Variants in AGTPBP1 observed in about 807,000 individuals in gnomAD.
The protein encoded by AGTPBP1 is cytosolic carboxypeptidase 1.
AGTPBP1 carries 70 observed loss-of-function variants against 143.9 expected under a neutral mutation model. The observed-to-expected ratio is 0.49, with a 90% CI of 0.40 to 0.59. AGTPBP1 has a LOEUF of 0.59. AGTPBP1 is among the 20% of genes least tolerant of loss of function. AGTPBP1 has a pLI of 0.00. For synonymous variants in AGTPBP1, 463 were observed against 500.2 expected, an observed-to-expected ratio of 0.93 and a Z score of 0.99; for missense variants, 1,229 against 1,464.5, an observed-to-expected ratio of 0.84 and a Z score of 2.62.
the AGTPBP1 span, among the ~76,000 whole-genome samples, chr9:85,782,567 T>G: frequency 6.6e-6 from 1 of 152,202 alleles, no homozygotes. Context: ...ATAGACATTT[T>G]CAAGAATAAT....
At chr9:85,800,246 A>C in the AGTPBP1 span, among the ~76,000 whole-genome samples, 1 of 152,278 alleles carries the variant, frequency 6.6e-6, no homozygotes, top group Non-Finnish European at 1.5e-5. Flanking sequence ...GGAGTAGGGA[A>C]TATAGGGGAG....
At chr9:85,707,397 A>C (rs960727774) in intron 2 of AGTPBP1, among the ~76,000 whole-genome samples, 15 of 152,194 alleles carry the variant, frequency 9.9e-5, no homozygotes, top group African/African-American at 3.6e-4. Context: ...TCAAAATAGA[A>C]ATCAAAGAAA....
At chr9:85,736,923 G>A (rs558012668) in intron 1 of AGTPBP1, among the ~76,000 whole-genome samples, 29 of 152,076 alleles carry the variant, frequency 1.9e-4, no homozygotes, top group Non-Finnish European at 3.2e-4. Flanking sequence ...TGGCTAACGC[G>A]GTGAAACCCC....
chr9:85,637,428 C>T (rs938897567), intron 13 of AGTPBP1, among the ~76,000 whole-genome samples: 5 of 152,248 alleles, frequency 3.3e-5, no homozygotes, highest in South Asian at 4.1e-4. Context: ...CATTCCAACA[C>T]GCATCCACAA....
At chr9:85,699,610 A>T (rs932616952) in intron 2 of AGTPBP1, among the ~76,000 whole-genome samples, 5 of 151,936 alleles carry the variant, frequency 3.3e-5, no homozygotes, top group African/African-American at 1.2e-4. Flanking sequence ...AGCAAAAAAA[A>T]AAACCATAAA....
At chr9:85,666,083 T>C (rs1274116934) in intron 8 of AGTPBP1, among the ~76,000 whole-genome samples, 1 of 152,118 alleles carries the variant, frequency 6.6e-6, no homozygotes, top group Admixed American at 6.6e-5. Context: ...CAAAGAATAC[T>C]ACAAGCAACA....
chr9:85,600,582 A>G (rs921548929), intron 17 of AGTPBP1, among the ~76,000 whole-genome samples: 2 of 152,088 alleles, frequency 1.3e-5, no homozygotes, highest in African/African-American at 2.4e-5. Flanking sequence ...TTCCCAGTAC[A>G]GGAAAAGGGT....
At chr9:85,698,679 C>CTTTTTTTTTTT (rs34248388) in intron 2 of AGTPBP1, among the ~76,000 whole-genome samples, 6 of 76,576 alleles carry the variant, frequency 7.8e-5, no homozygotes, top group African/African-American at 1.1e-4. Flanking sequence ...CCACCTAACC[C>CTTTTTTTTTTT]TTTTTTTTTT....
rs112702741 is a variant in AGTPBP1, at chr9:85,672,496, C to A, written c.568+54G>T. The A allele has an allele frequency of 3.2e-5, 50 of 1,564,464 alleles. No individual in the cohort carries two copies. In the African/African-American group the frequency reaches 4.3e-4, roughly 13 times the overall value. On this transcript the variant is annotated intron_variant, in intron 7 of 25. Transcript: ENST00000357081. ...TACAGAATCAGGATACTTTAAAATT[C>A]TTTTTGTGTAACTTTACAACACTGA...
Position 85,741,777 on chromosome 9 carries a change from G to A in AGTPBP1, c.-36C>T, listed in dbSNP as rs1345882826. ...GAGGACTGCAGCAGGGCGCTCACCG[G>A]CTCAGGATGGGGCGCTGGCGGGGAC... On this transcript the variant is annotated splice_region_variant and 5_prime_UTR_variant, in exon 1 of 26. Coordinates refer to ENST00000357081, the MANE Select transcript of AGTPBP1 (RefSeq NM_001330701.2). 7.4e-7 allele frequency: 1 copy of A among 1,343,300 alleles called. No homozygotes were observed. Among genetic ancestry groups the A allele is most frequent in the Non-Finnish European group, 9.5e-7 (1 of 1,049,408 alleles). 83.2% of individuals were successfully genotyped at this position (1,343,300 alleles called of 1,614,324 possible).
intron 25 of AGTPBP1, 28 bp downstream of exon 25, chr9:85,575,287 A>G (rs1827826312): frequency 6.5e-7 from 1 of 1,547,532 alleles, no homozygotes; most frequent in East Asian, 2.3e-5. Context: ...ACTACAATAT[A>G]ATAAAAGAAA....
At chr9:85,751,350 G>A in the AGTPBP1 span, among the ~76,000 whole-genome samples, 2 of 152,160 alleles carry the variant, frequency 1.3e-5, no homozygotes, top group Admixed American at 1.3e-4. Context: ...TATAAAACAT[G>A]AATTAGTAGA....
chr9:85,803,030 C>A, the AGTPBP1 span, among the ~76,000 whole-genome samples: 1 of 152,130 alleles, frequency 6.6e-6, no homozygotes, highest in South Asian at 2.1e-4. Context: ...TAGCAGTCTG[C>A]CAAAATGATC....
chr9:85,626,029 T>C (rs765078928), intron 14 of AGTPBP1, among the ~76,000 whole-genome samples: 3 of 142,346 alleles, frequency 2.1e-5, no homozygotes, highest in Non-Finnish European at 3.0e-5. Flanking sequence ...TCTAATGTTA[T>C]GGACTATAAA....
At chr9:85,695,961 C>T (rs1416997281) in intron 2 of AGTPBP1, among the ~76,000 whole-genome samples, 1 of 152,106 alleles carries the variant, frequency 6.6e-6, no homozygotes, top group Non-Finnish European at 1.5e-5. Context: ...CCTGCCTCAG[C>T]CTCCCAAGTA....
At chr9:85,707,257 T>G (rs1727488758) in intron 2 of AGTPBP1, among the ~76,000 whole-genome samples, 1 of 152,006 alleles carries the variant, frequency 6.6e-6, no homozygotes, top group South Asian at 2.1e-4. Context: ...TAGGGGGAAA[T>G]TTACAGCAAT....
chr9:85,695,839 T>A (rs904749844), intron 2 of AGTPBP1, among the ~76,000 whole-genome samples: 16 of 151,754 alleles, frequency 1.1e-4, no homozygotes, highest in Non-Finnish European at 2.2e-4. Context: ...TCTTTCCTTT[T>A]CTTTTACTTT....
chr9:85,734,415 C>G (rs1412413532), intron 1 of AGTPBP1, among the ~76,000 whole-genome samples: 1 of 150,566 alleles, frequency 6.6e-6, no homozygotes, highest in Non-Finnish European at 1.5e-5. Context: ...AAGGCCAGTA[C>G]AGCCCTGATA....
intron 14 of AGTPBP1, among the ~76,000 whole-genome samples, chr9:85,626,820 G>A (rs1204644874): frequency 6.6e-6 from 1 of 152,234 alleles, no homozygotes; most frequent in East Asian, 1.9e-4. Flanking sequence ...GTTATTTGTG[G>A]ACACGAATAT....
Sources: allele counts gnomAD v4.1 joint callset (sites outside exome capture counted in the v4.1 genomes callset), GRCh38; gene constraint gnomAD v4.1.1; transcripts MANE v1.5; gene names NCBI Gene and HGNC (gene_info 2026-07-23, HGNC 2026-07-21).